The following TAF15 variants were observed in gnomAD, a reference collection of about 807,000 sequenced individuals.
TAF15 encodes the protein TATA-binding protein-associated factor 2N.
In TAF15, 37 loss-of-function variants were observed where a neutral mutation model predicts 102.5. The observed-to-expected ratio is 0.36, with a 90% confidence interval of 0.28 to 0.47. The LOEUF (loss-of-function observed/expected upper bound fraction) is 0.47, where lower values mean the gene tolerates loss of function less well. TAF15 is among the 20% of genes least tolerant of loss of function. The pLI, the probability that TAF15 is intolerant of heterozygous loss-of-function variation, is 0.99. For synonymous variants in TAF15, 273 were observed against 259.2 expected (o/e 1.05, Z -0.51); for missense variants, 652 against 760.7 (o/e 0.86, Z 1.68).
At chr17:35,841,710 T>C (rs912885212) in intron 11 of TAF15, among the ~76,000 whole-genome samples, 2 of 150,866 alleles carry the variant, frequency 1.3e-5, no homozygotes, top group Non-Finnish European at 3.0e-5. Context: ...TTTTTTTTTT[T>C]TTTTGGAGAG....
In TAF15 at chr17:35,844,524, G is replaced by A. The variant is rs1056845388; in HGVS notation, c.1225G>A (p.Gly409Arg). 5 of 1,610,598 alleles carry A rather than the reference G, an allele frequency of 3.1e-6. No individual in the cohort carries two copies. In the African/African-American group the frequency reaches 6.7e-5, roughly 22 times the overall value. ...YGGERGYRGR[G>R]GRGGDRGGYG... ...TGGAGAGAGGGGCTACAGAGGTCGT[G>A]GGGGCAGAGGTGGAGACCGAGGCGG... Residue 409 changes from glycine (G) to arginine (R), a missense_variant, in exon 15 of 16, where the codon GGG (glycine) becomes AGG (arginine). Physicochemically the swap from Gly to Arg is moderately radical, Grantham distance 125 (BLOSUM62 -2). This residue lies in a region of TAF15 where 368 missense variants were observed against 367.5 expected (regional missense o/e 1.00). Coordinates refer to ENST00000605844, the MANE Select transcript of TAF15 (RefSeq NM_139215.3).
chr17:35,823,844 G>C, intron 6 of TAF15: 1 of 577,086 alleles, frequency 1.7e-6, no homozygotes, highest in East Asian at 3.1e-5. Flanking sequence ...AATGGAATTT[G>C]ACACAGATAC....
At chr17:35,842,525 T>A in intron 12 of TAF15, 66 bp downstream of exon 12, 1 of 1,290,548 alleles carries the variant, frequency 7.7e-7, no homozygotes, top group Non-Finnish European at 1.1e-6. Context: ...TCATACTCTG[T>A]TTCTATTTGT....
intron 7 of TAF15, among the ~76,000 whole-genome samples, chr17:35,826,813 G>T (rs975301804): frequency 6.7e-6 from 1 of 149,196 alleles, no homozygotes; most frequent in Admixed American, 6.7e-5. Context: ...TGATCTGCCC[G>T]CCTTGGCCTC....
intron 1 of TAF15, chr17:35,810,665 A>G (rs2087114467): frequency 6.6e-6 from 1 of 152,242 alleles, no homozygotes; most frequent in Non-Finnish European, 1.5e-5. Flanking sequence ...TTGCAGTCTT[A>G]TATTTTGAGT....
chr17:35,812,182 A>G (rs1038724141), intron 1 of TAF15, among the ~76,000 whole-genome samples: 20 of 152,116 alleles, frequency 1.3e-4, no homozygotes, highest in Admixed American at 1.3e-3. Flanking sequence ...ACTGGAAAAA[A>G]CCTTAGTACC....
intron 1 of TAF15, among the ~76,000 whole-genome samples, chr17:35,812,598 A>C (rs1429767361): frequency 1.3e-5 from 2 of 150,240 alleles, no homozygotes; most frequent in Admixed American, 6.6e-5. Flanking sequence ...AAAAAAAAAA[A>C]AAAAAAAACC....
chr17:35,822,375 A>G (rs2087271847), intron 5 of TAF15, among the ~76,000 whole-genome samples: 1 of 151,848 alleles, frequency 6.6e-6, no homozygotes, highest in Non-Finnish European at 1.5e-5. Context: ...TCAAGGAGAT[A>G]GTAAAAAGCC....
intron 1 of TAF15, chr17:35,811,526 T>C (rs1214290040): frequency 6.6e-6 from 1 of 152,208 alleles, no homozygotes; most frequent in African/African-American, 2.4e-5. Flanking sequence ...TGACTTTGTG[T>C]AAAAATAATG....
chr17:35,824,394 G>C, intron 7 of TAF15, 196 bp downstream of exon 7: 1 of 692,934 alleles, frequency 1.4e-6, no homozygotes. Flanking sequence ...CCTTAGAATT[G>C]GCTATGTTAG....
chr17:35,844,355 T>TC lies in TAF15; in HGVS notation c.1167dup (p.Ser390LeufsTer52), dbSNP rs1463636724. On this transcript the variant is annotated frameshift_variant, in exon 14 of 16. Transcript: ENST00000605844. LOFTEE classifies it high-confidence loss of function. Reference sequence around the variant, plus strand: ...ATGAGCCTAGACCAGAGGACTCTCGTCCCTCAGGAGGAGGTGGGTCAGCCT... The same window carrying TC: ...ATGAGCCTAGACCAGAGGACTCTCGTCCCCTCAGGAGGAGGTGGGTCAGCCT... The TC allele has an allele frequency of 6.2e-7, 1 of 1,614,196 alleles. No homozygotes were observed. The highest frequency in any genetic ancestry group is 1.7e-5 in the Admixed American group (1 of 60,034).
Position 35,842,418 on chromosome 17 carries a change from C to G in TAF15, c.965C>G (p.Pro322Arg). Residue 322 changes from proline to arginine, a missense_variant, in exon 12 of 16, where the codon CCT becomes CGT. Transcript: ENST00000605844. ...AAAGTGTCCTTTGCCACTAGAAGAC[C>G]TGAATTCATGAGAGGAGGTGGAAGT... The part of the protein sequence containing the change: ...IIKVSFATRR[P>R]EFMRGGGSGG... 6.2e-7 allele frequency: 1 copy of G among 1,614,052 alleles called. No individual in the cohort carries two copies. Among genetic ancestry groups the G allele is most frequent in the Middle Eastern group, 1.7e-4 (1 of 6,060 alleles).
chr17:35,842,697 G>C (rs894730460), intron 12 of TAF15, among the ~76,000 whole-genome samples: 7 of 151,884 alleles, frequency 4.6e-5, no homozygotes, highest in African/African-American at 1.7e-4. Flanking sequence ...GTGATTTGCT[G>C]TTCACTTGGA....
Position 35,822,699 on chromosome 17 carries a change from A to G in TAF15, c.350A>G (p.Asp117Gly), listed in dbSNP as rs755825241. ...GACTATGGTCAACAAGATTCATATGACCAGCAGTCAGGCTATGATCAACAT... is the reference window on the plus strand; with the variant it reads ...GACTATGGTCAACAAGATTCATATGGCCAGCAGTCAGGCTATGATCAACAT... ...QPDYGQQDSY[D>G]QQSGYDQHQG... The change falls in exon 6 of 16, where the codon GAC (aspartate) becomes GGC (glycine). Residue 117 changes from aspartate to glycine, a missense_variant. Physicochemically the swap from Asp to Gly is moderately conservative, Grantham distance 94. Transcript: ENST00000605844. 4.3e-6 allele frequency: 7 copies of G among 1,614,170 alleles called. No individual in the cohort carries two copies. In the South Asian group the frequency reaches 6.6e-5, roughly 15 times the overall value.
chr17:35,833,778 A>C (rs1274512774), intron 7 of TAF15, 129 bp from the exon 8 acceptor site: 3 of 825,768 alleles, frequency 3.6e-6, no homozygotes, highest in Non-Finnish European at 6.1e-6. Context: ...AATGGAATTT[A>C]CTGAAAACTT....
rs1375388537 is a variant in TAF15, at chr17:35,831,297, C to T, written c.606-2610C>T. The stretch of plus-strand genomic sequence containing the variant: ...TGGCGGGCGCCTGTAGTCCCAGCTA[C>T]TCGGGAGGCTGAGGCAGGAGAATGG... On this transcript the variant is annotated intron_variant, in intron 7 of 15. Transcript: ENST00000605844. Among the ~76,000 whole-genome samples, 8 of 151,858 alleles carry T rather than the reference C, an allele frequency of 5.3e-5. 1 individual carries two copies. The South Asian group carries it at 1.7e-3, about 32-fold the overall frequency.
Position 35,833,818 on chromosome 17 carries a change from A to G in TAF15, c.606-89A>G, listed in dbSNP as rs185689174. 717 of 1,355,484 alleles carry G rather than the reference A, an allele frequency of 5.3e-4. 1 individual carries two copies. Among genetic ancestry groups the G allele is most frequent in the Non-Finnish European group, 3.7e-4 (348 of 947,398 alleles). The allele number at this position is 1,355,484 out of a possible 1,614,324, so 84.0% of individuals were successfully genotyped here. A position where few individuals can be genotyped will look rare whatever the true frequency, so the allele number is the denominator to read the frequency against. ...GTGCTACTGTTTTCCTAAGCACTCT[A>G]CTTGTGACAGTTAAGTGTAGATTGA... On this transcript the variant is annotated intron_variant, in intron 7 of 15. Transcript: ENST00000605844.
At chr17:35,832,123 TTAA>T (rs2087415173) in intron 7 of TAF15, among the ~76,000 whole-genome samples, 1 of 152,182 alleles carries the variant, frequency 6.6e-6, no homozygotes, top group Non-Finnish European at 1.5e-5. Context: ...TTGGTTTCTA[TTAA>T]TAATATTTTC....
At chr17:35,824,934 A>T (rs571281463) in intron 7 of TAF15, among the ~76,000 whole-genome samples, 1 of 150,600 alleles carries the variant, frequency 6.6e-6, no homozygotes, top group East Asian at 2.0e-4. Flanking sequence ...AAAAAAAAAA[A>T]TGAAAAAGTA....
Sources: gnomAD v4.1 joint callset for allele counts (sites outside exome capture counted in the v4.1 genomes callset) on GRCh38, gnomAD v4.1.1 for gene constraint, gnomAD v4.1.1 regional missense constraint, MANE v1.5 for transcripts, NCBI Gene and HGNC (gene_info 2026-07-23, HGNC 2026-07-21) for gene names.